Variants in EXOC4 observed in about 807,000 individuals in gnomAD.
EXOC4 encodes the protein SEC8-like 1.
In EXOC4, 71 loss-of-function variants were observed where a neutral mutation model predicts 107.2. That is an observed-to-expected ratio of 0.66 (90% CI 0.55 to 0.81). The LOEUF (loss-of-function observed/expected upper bound fraction) is 0.81, where lower values mean the gene tolerates loss of function less well. EXOC4 is among the 30% of genes least tolerant of loss of function. The pLI is 0.00. For missense variants in EXOC4, 1,108 were observed against 1,189.6 expected, an observed-to-expected ratio of 0.93 and a Z score of 1.01; for synonymous variants, 456 against 441.2, an observed-to-expected ratio of 1.03 and a Z score of -0.42.
intron 7 of EXOC4, among the ~76,000 whole-genome samples, chr7:133,471,327 G>A (rs891889447): frequency 3.3e-5 from 5 of 151,510 alleles, no homozygotes; most frequent in African/African-American, 7.3e-5. Flanking sequence ...CAGGAGAATC[G>A]CTTGAACCTG....
chr7:133,385,421 C>G lies in EXOC4; in HGVS notation c.1182+10419C>G, dbSNP rs17167061. 2.7e-3 allele frequency among the ~76,000 whole-genome samples: 408 copies of G among 152,280 alleles called. 6 individuals are homozygous for G. In the East Asian group the frequency reaches 0.052, roughly 20 times the overall value. On this transcript the variant is annotated intron_variant, in intron 7 of 17. Transcript: ENST00000253861. Reference sequence around the variant, plus strand: ...ATAGAGGCCGGTATTTCATTGTCTACTGCTCTTAATTTGTTAGAGAATATT... The same window carrying G: ...ATAGAGGCCGGTATTTCATTGTCTAGTGCTCTTAATTTGTTAGAGAATATT...
chr7:133,365,002 A>G (rs1444276642), intron 6 of EXOC4, among the ~76,000 whole-genome samples: 1 of 152,192 alleles, frequency 6.6e-6, no homozygotes, highest in Non-Finnish European at 1.5e-5. Flanking sequence ...CAGAAGGACG[A>G]TATCTGTACT....
intron 9 of EXOC4, among the ~76,000 whole-genome samples, chr7:133,584,261 A>G (rs560778314): frequency 6.6e-6 from 1 of 152,190 alleles, no homozygotes; most frequent in Non-Finnish European, 1.5e-5. Flanking sequence ...TCAGAGATAC[A>G]GTAAGAATAG....
downstream of EXOC4, among the ~76,000 whole-genome samples, chr7:134,070,148 G>A (rs148953230): frequency 5.1e-3 from 773 of 152,336 alleles, 4 homozygotes; most frequent in Middle Eastern, 0.02. Context: ...TGGAGGGAGG[G>A]TAATGAGGTA....
rs1324937873 is a variant in EXOC4 at position 133,741,927 on chromosome 7, GC to G, written c.1515-75395del. Among the ~76,000 whole-genome samples the G allele has an allele frequency of 4.6e-5, 7 of 152,154 alleles. 1 individual carries two copies. Among genetic ancestry groups the G allele is most frequent in the Non-Finnish European group, 1.5e-5 (1 of 68,032 alleles). ...ATTCCAGAGACTAGCTGATTACAGTGCCCTCAGGGACTGATAAAGTTATTTT... is the reference window on the plus strand; with the variant it reads ...ATTCCAGAGACTAGCTGATTACAGTGCCTCAGGGACTGATAAAGTTATTTT... On this transcript the variant is annotated intron_variant, in intron 10 of 17. Coordinates refer to ENST00000253861, the MANE Select transcript of EXOC4 (RefSeq NM_021807.4).
intron 11 of EXOC4, among the ~76,000 whole-genome samples, chr7:133,869,769 T>C (rs1798714303): frequency 6.6e-6 from 1 of 152,196 alleles, no homozygotes. Context: ...TCAATAAAAC[T>C]GAAAGGGCCT....
At chr7:133,258,040 CTCT>C (rs1381245642) in intron 1 of EXOC4, among the ~76,000 whole-genome samples, 1 of 152,172 alleles carries the variant, frequency 6.6e-6, no homozygotes, top group Non-Finnish European at 1.5e-5. Context: ...CCATCACCAT[CTCT>C]TCTTTTCATT....
At chr7:133,695,095 T>TA (rs1212827022) in intron 10 of EXOC4, among the ~76,000 whole-genome samples, 1 of 152,180 alleles carries the variant, frequency 6.6e-6, no homozygotes. Context: ...GTGCTGGAGT[T>TA]ACAGGTGTGA....
At chr7:133,911,011 A>T (rs1319531680) in intron 12 of EXOC4, among the ~76,000 whole-genome samples, 1 of 152,160 alleles carries the variant, frequency 6.6e-6, no homozygotes, top group East Asian at 1.9e-4. Context: ...ACACCAGCAG[A>T]TGTTTTCTGA....
intron 12 of EXOC4, among the ~76,000 whole-genome samples, chr7:133,912,203 G>C (rs1299378214): frequency 6.6e-6 from 1 of 152,218 alleles, no homozygotes. Context: ...TGCAAAAGGA[G>C]GGGTTTTGTT....
intron 9 of EXOC4, among the ~76,000 whole-genome samples, chr7:133,485,369 A>C (rs1799250652): frequency 6.6e-6 from 1 of 151,844 alleles, no homozygotes; most frequent in Admixed American, 6.6e-5. Context: ...TCTTGTCAAA[A>C]GCCTGTTGGA....
intron 14 of EXOC4, among the ~76,000 whole-genome samples, chr7:133,996,971 T>G (rs1026413578): frequency 6.6e-6 from 1 of 152,206 alleles, no homozygotes; most frequent in Non-Finnish European, 1.5e-5. Flanking sequence ...CAAAGTTAGG[T>G]AAAATTAGAG....
intron 9 of EXOC4, among the ~76,000 whole-genome samples, chr7:133,488,852 G>T (rs1054212424): frequency 6.6e-6 from 1 of 151,142 alleles, no homozygotes; most frequent in African/African-American, 2.4e-5. Context: ...GAATCTCAAA[G>T]GTAGTCATAT....
intron 7 of EXOC4, among the ~76,000 whole-genome samples, chr7:133,441,550 C>T (rs1034930930): frequency 4.6e-5 from 7 of 152,024 alleles, no homozygotes; most frequent in Non-Finnish European, 8.8e-5. Context: ...GCCACCATGC[C>T]TGGCTAATTT....
intron 12 of EXOC4, among the ~76,000 whole-genome samples, chr7:133,912,899 C>G (rs891060129): frequency 1.3e-5 from 2 of 152,078 alleles, no homozygotes; most frequent in Non-Finnish European, 2.9e-5. Context: ...TTTACTTGGT[C>G]TTGGGTATGG....
At chr7:134,057,644 T>G (rs1159058614) in intron 17 of EXOC4, among the ~76,000 whole-genome samples, 1 of 152,186 alleles carries the variant, frequency 6.6e-6, no homozygotes, top group Non-Finnish European at 1.5e-5. Flanking sequence ...GGTCGGAAAG[T>G]CCATTTGAGC....
intron 3 of EXOC4, among the ~76,000 whole-genome samples, chr7:133,294,129 T>A (rs576987541): frequency 6.6e-6 from 1 of 152,178 alleles, no homozygotes; most frequent in Non-Finnish European, 1.5e-5. Flanking sequence ...TCATTATCAC[T>A]CAAAACACTC....
At chr7:134,088,519 C>G in the EXOC4 span, among the ~76,000 whole-genome samples, 2 of 152,100 alleles carry the variant, frequency 1.3e-5, no homozygotes, top group Non-Finnish European at 2.9e-5. Context: ...TTAAAAAGAT[C>G]ACTTTAGACT....
intron 10 of EXOC4, among the ~76,000 whole-genome samples, chr7:133,649,528 A>G (rs1046578225): frequency 4.5e-5 from 5 of 111,332 alleles, no homozygotes; most frequent in African/African-American, 1.8e-4. Context: ...TTTCATGCTC[A>G]TTTGTGTTCC....
Sources: gnomAD v4.1 joint callset for allele counts (sites outside exome capture counted in the v4.1 genomes callset) on GRCh38, gnomAD v4.1.1 for gene constraint, MANE v1.5 for transcripts, NCBI Gene and HGNC (gene_info 2026-07-23, HGNC 2026-07-21) for gene names.